Variants in CACNA1I observed in about 807,000 individuals in gnomAD.
CACNA1I encodes calcium voltage-gated channel subunit alpha1 I.
A neutral mutation model predicts 201.6 loss-of-function variants in CACNA1I; 74 were observed. The ratio of observed to expected loss-of-function variants is 0.37; its 90% CI spans 0.30 to 0.45. The LOEUF is 0.45. CACNA1I is among the 20% of genes least tolerant of loss of function. CACNA1I has a pLI of 1.00. For synonymous variants in CACNA1I, 1,431 were observed against 1,345.2 expected (o/e 1.06, Z -1.40); for missense variants, 2,346 against 3,138.1 (o/e 0.75, Z 6.03).
rs752860959 is a variant in CACNA1I at position 39,641,008 on chromosome 22, C to G, written c.882C>G (p.Cys294Trp). 6.2e-7 allele frequency: 1 copy of G among 1,614,060 alleles called. No individual in the cohort carries two copies. The change falls in exon 6 of 37, where the codon TGC (cysteine) becomes TGG (tryptophan). Residue 294 changes from cysteine to tryptophan, a missense_variant. Around this residue, in one of 13 missense-constraint regions of CACNA1I, gnomAD observed 227 missense variants for 412.5 expected, o/e 0.55. Coordinates refer to ENST00000402142, the MANE Select transcript of CACNA1I (RefSeq NM_021096.4). Reference sequence around the variant, plus strand: ...TCAAGGAGCAGGGCCGTGAGTGCTGCCTGTCCAAGGACGACGTCTACGACT... The same window carrying G: ...TCAAGGAGCAGGGCCGTGAGTGCTGGCTGTCCAAGGACGACGTCTACGACT... ...PPLKEQGREC[C>W]LSKDDVYDFG...
At position 39,683,402 on chromosome 22, in the gene CACNA1I, C is replaced by T. The variant is rs5757772; in HGVS notation, c.5830+741C>T. On this transcript the variant is annotated intron_variant, in intron 35 of 36. Transcript: ENST00000402142. ...CCAGGGGTGGGGTGACTTTCCTGGG[C>T]ACCCTCCTGAGAGCTGATGGGCTCT... 9.1e-4 allele frequency among the ~76,000 whole-genome samples: 138 copies of T among 152,264 alleles called. 4 individuals carry two copies. In the East Asian group the frequency reaches 0.025, roughly 27 times the overall value.
chr22:39,636,789 T>C (rs1302920274), intron 5 of CACNA1I, among the ~76,000 whole-genome samples: 1 of 152,192 alleles, frequency 6.6e-6, no homozygotes, highest in African/African-American at 2.4e-5. Context: ...AGTCCTCTTT[T>C]CGGGCTCTCC....
chr22:39,621,848 G>C (rs1021345442), intron 4 of CACNA1I, among the ~76,000 whole-genome samples: 1 of 152,084 alleles, frequency 6.6e-6, no homozygotes, highest in African/African-American at 2.4e-5. Flanking sequence ...GGCACAGGGA[G>C]GGGACATGCG....
At chr22:39,576,863 C>T (rs1932373026) in intron 1 of CACNA1I, among the ~76,000 whole-genome samples, 1 of 152,202 alleles carries the variant, frequency 6.6e-6, no homozygotes, top group Admixed American at 6.5e-5. Flanking sequence ...GCGCCTTGCC[C>T]CTCTGCCGAC....
rs1309009544 is a variant in CACNA1I, at chr22:39,665,725, C to T, written c.3978+101C>T. 5.8e-6 allele frequency: 9 copies of T among 1,550,592 alleles called. No individual in the cohort carries two copies. Among genetic ancestry groups the T allele is most frequent in the Non-Finnish European group, 7.0e-6 (8 of 1,136,386 alleles). ...GACTCCACATTCCAACCTCATGCGC[C>T]TTGCCAGCTGTGGGCTTCTCCTCCA... On this transcript the variant is annotated intron_variant, in intron 22 of 36. Coordinates refer to ENST00000402142, the MANE Select transcript of CACNA1I (RefSeq NM_021096.4). The surrounding 1 kb of genome is among the most constrained non-coding windows in gnomAD (Gnocchi z 5.5).
intron 4 of CACNA1I, among the ~76,000 whole-genome samples, chr22:39,634,041 A>T (rs1934138472): frequency 6.6e-6 from 1 of 152,202 alleles, no homozygotes; most frequent in Admixed American, 6.5e-5. Context: ...GGGCATACTA[A>T]GGTGAACCAG....
chr22:39,643,946 G>A (rs117094767), intron 7 of CACNA1I, among the ~76,000 whole-genome samples: 4,351 of 152,354 alleles, frequency 0.029, 80 homozygotes, highest in Non-Finnish European at 0.045. Flanking sequence ...TCACAGGCTC[G>A]TGGGGAAGAT....
chr22:39,662,206 A>T lies in CACNA1I; in HGVS notation c.3143A>T (p.His1048Leu). 6.5e-7 allele frequency: 1 copy of T among 1,527,660 alleles called. No homozygotes were observed. Among genetic ancestry groups the T allele is most frequent in the Non-Finnish European group, 8.8e-7 (1 of 1,141,104 alleles). The allele number at this position is 1,527,660 out of a possible 1,614,324, so 94.6% of individuals were successfully genotyped here. A position where few individuals can be genotyped will look rare whatever the true frequency, so the allele number is the denominator to read the frequency against. ...ATTCATCACGGGCCCCATCTGGCGCACCGCCACCGCCACCACCGCCGGACG... is the reference window on the plus strand; with the variant it reads ...ATTCATCACGGGCCCCATCTGGCGCTCCGCCACCGCCACCACCGCCGGACG... ...HHIHHGPHLA[H>L]RHRHHRRTLS... The change falls in exon 17 of 37, where the codon CAC (histidine) becomes CTC (leucine). Residue 1048 changes from histidine (H) to leucine (L), a missense_variant. His to Leu is a moderately conservative substitution (Grantham distance 99, BLOSUM62 -3). Around this residue, in one of 13 missense-constraint regions of CACNA1I, gnomAD observed 288 missense variants for 255.2 expected, o/e 1.13. Transcript: ENST00000402142.
At chr22:39,625,153 G>A (rs1005288663) in intron 4 of CACNA1I, among the ~76,000 whole-genome samples, 43 of 151,922 alleles carry the variant, frequency 2.8e-4, no homozygotes, top group Non-Finnish European at 3.5e-4. Flanking sequence ...TGATCCACCC[G>A]TCTCGGTCTC....
At chr22:39,668,449 G>T in intron 24 of CACNA1I, 68 bp downstream of exon 24, 1 of 1,041,118 alleles carries the variant, frequency 9.6e-7, no homozygotes, top group Non-Finnish European at 1.5e-6. Flanking sequence ...GGGCCCAGTG[G>T]TTTGAATTTG....
At chr22:39,662,931 C>A in intron 18 of CACNA1I, 55 bp downstream of exon 18, 1 of 1,176,624 alleles carries the variant, frequency 8.5e-7, no homozygotes, top group Non-Finnish European at 1.2e-6. Context: ...GTGGGAGGGA[C>A]GGATCTCTGC....
intron 5 of CACNA1I, among the ~76,000 whole-genome samples, chr22:39,636,019 G>A (rs189985473): frequency 6.6e-6 from 1 of 152,232 alleles, no homozygotes; most frequent in Non-Finnish European, 1.5e-5. Context: ...CACAGCAGGG[G>A]CACCTGGGGC....
intron 1 of CACNA1I, among the ~76,000 whole-genome samples, chr22:39,582,379 G>T (rs1387242253): frequency 6.6e-6 from 1 of 152,272 alleles, no homozygotes; most frequent in South Asian, 2.1e-4. Context: ...CCAACGTGGG[G>T]AGGATGTGCT....
At chr22:39,670,252 G>T in intron 25 of CACNA1I, 22 bp downstream of exon 25, 3 of 1,605,802 alleles carry the variant, frequency 1.9e-6, no homozygotes, top group Non-Finnish European at 2.5e-6. Context: ...CCTGTGGAGG[G>T]CGTGGGCCAC....
intron 25 of CACNA1I, among the ~76,000 whole-genome samples, chr22:39,670,501 G>C (rs1326031126): frequency 6.6e-6 from 1 of 152,216 alleles, no homozygotes; most frequent in Non-Finnish European, 1.5e-5. Context: ...GACCCTGGGT[G>C]CCCTGGGCCA....
chr22:39,654,635 G>A (rs1011643539), intron 10 of CACNA1I, among the ~76,000 whole-genome samples: 2 of 152,204 alleles, frequency 1.3e-5, no homozygotes, highest in Non-Finnish European at 2.9e-5. Context: ...TGGCTTAGTG[G>A]CTGACATTCC....
intron 3 of CACNA1I, among the ~76,000 whole-genome samples, chr22:39,616,706 G>C (rs1271370157): frequency 6.6e-6 from 1 of 151,436 alleles, no homozygotes; most frequent in African/African-American, 2.4e-5. Flanking sequence ...GTAGGTTGTG[G>C]TGAGCTAAGA....
At chr22:39,596,023 G>A (rs954328824) in intron 1 of CACNA1I, among the ~76,000 whole-genome samples, 17 of 149,008 alleles carry the variant, frequency 1.1e-4, no homozygotes, top group African/African-American at 4.0e-4. Context: ...AGCCCTTGAA[G>A]TGGGAACAGC....
rs750380130 is a variant in CACNA1I, at chr22:39,681,053, G to T, written c.5664+1G>T. 17 of 1,608,620 alleles carry T rather than the reference G, an allele frequency of 1.1e-5. No homozygotes were observed. Among genetic ancestry groups the T allele is most frequent in the African/African-American group, 2.7e-5 (2 of 74,904 alleles). The stretch of plus-strand genomic sequence containing the variant: ...CCCACCTGGCCGCAAAGACAGCAAG[G>T]TCAGCTCCCCTGGGGACTCCTGAGC... On this transcript the variant is annotated splice_donor_variant, in intron 34 of 36. Transcript: ENST00000402142. LOFTEE classifies it high-confidence loss of function.
Sources: allele counts gnomAD v4.1 joint callset (sites outside exome capture counted in the v4.1 genomes callset), GRCh38; gene constraint gnomAD v4.1.1; regional missense constraint gnomAD v4.1.1; non-coding constraint Gnocchi (gnomAD v3.1); transcripts MANE v1.5; gene names NCBI Gene and HGNC (gene_info 2026-07-23, HGNC 2026-07-21).